Variants in FNBP1L observed in about 807,000 individuals in gnomAD.
FNBP1L encodes formin binding protein 1 like.
A neutral mutation model predicts 91.2 loss-of-function variants in FNBP1L; 36 were observed. The observed-to-expected ratio is 0.39, with a 90% confidence interval of 0.30 to 0.52. The LOEUF (loss-of-function observed/expected upper bound fraction) is 0.52, where lower values mean the gene tolerates loss of function less well. FNBP1L is among the 20% of genes least tolerant of loss of function. The pLI, the probability that FNBP1L is intolerant of heterozygous loss-of-function variation, is 0.66. For missense variants in FNBP1L, 571 were observed against 732.1 expected, an observed-to-expected ratio of 0.78 and a Z score of 2.54; for synonymous variants, 242 against 237.0, an observed-to-expected ratio of 1.02 and a Z score of -0.19.
rs112401072 is a variant in FNBP1L at position 93,485,503 on chromosome 1, G to A, written c.25-13965G>A. 2.5e-3 allele frequency among the ~76,000 whole-genome samples: 379 copies of A among 152,300 alleles called. 4 individuals carry two copies. The highest frequency in any genetic ancestry group is 8.1e-3 in the African/African-American group (336 of 41,564). On this transcript the variant is annotated intron_variant, in intron 1 of 16. Transcript: ENST00000271234. ...AGCTGACCACTAAAAATTGTTAACA[G>A]TCATTACTGTATATAACATTCTGGA...
intron 15 of FNBP1L, 21 bp downstream of exon 15, chr1:93,549,447 T>G: frequency 6.6e-7 from 1 of 1,521,276 alleles, no homozygotes; most frequent in South Asian, 1.3e-5. Flanking sequence ...CTTAATAATA[T>G]TGTATGTAAA....
intron 1 of FNBP1L, among the ~76,000 whole-genome samples, chr1:93,466,932 C>T (rs1041347691): frequency 7.2e-5 from 11 of 152,198 alleles, no homozygotes; most frequent in African/African-American, 2.7e-4. Context: ...ATCTTGCTCA[C>T]TGTAACCTCC....
intron 2 of FNBP1L, among the ~76,000 whole-genome samples, chr1:93,519,128 G>A (rs1671231487): frequency 6.6e-6 from 1 of 152,220 alleles, no homozygotes; most frequent in South Asian, 2.1e-4. Context: ...ATTCATAACA[G>A]TGAGTTTTGT....
chr1:93,456,987 C>A (rs1668692089), intron 1 of FNBP1L, among the ~76,000 whole-genome samples: 1 of 152,108 alleles, frequency 6.6e-6, no homozygotes, highest in African/African-American at 2.4e-5. Context: ...CTACCTGGCT[C>A]AGGTGATCCT....
intron 1 of FNBP1L, among the ~76,000 whole-genome samples, chr1:93,469,119 G>A (rs901529643): frequency 2.0e-5 from 3 of 151,708 alleles, no homozygotes; most frequent in Non-Finnish European, 2.9e-5. Context: ...AAGTTCTAGG[G>A]TACATGTGCA....
chr1:93,485,986 A>G (rs1439584729), intron 1 of FNBP1L, among the ~76,000 whole-genome samples: 4 of 152,250 alleles, frequency 2.6e-5, no homozygotes, highest in South Asian at 2.1e-4. Flanking sequence ...GCGTGAGCCA[A>G]CGTGTCTGGC....
intron 1 of FNBP1L, among the ~76,000 whole-genome samples, chr1:93,485,629 T>C (rs1210645202): frequency 6.6e-6 from 1 of 152,170 alleles, no homozygotes; most frequent in Non-Finnish European, 1.5e-5. Flanking sequence ...TCAGCACTCA[T>C]TTTTTTGTTG....
Position 93,550,996 on chromosome 1 carries a change from T to G in FNBP1L, c.1701T>G (p.Ile567Met), listed in dbSNP as rs749797756. ...LAMKEGEVLY[I>M]IEEDKGDGWT... ...TGAAAGAAGGTGAAGTTCTCTACAT[T>G]ATAGAGGAGGACAAAGGTGACGGAT... is the stretch of plus-strand genomic sequence containing the variant. Residue 567 changes from isoleucine to methionine, a missense_variant, in exon 16 of 17, where the codon ATT (isoleucine) becomes ATG (methionine). Around this residue, in one of 5 missense-constraint regions of FNBP1L, gnomAD observed 189 missense variants for 219.7 expected, o/e 0.86. Transcript: ENST00000271234. 1.6e-5 allele frequency: 25 copies of G among 1,612,126 alleles called. No homozygotes were observed. Among genetic ancestry groups the G allele is most frequent in the Non-Finnish European group, 2.1e-5 (25 of 1,178,924 alleles).
At chr1:93,518,155 A>C (rs543346780) in intron 2 of FNBP1L, among the ~76,000 whole-genome samples, 1 of 152,282 alleles carries the variant, frequency 6.6e-6, no homozygotes, top group African/African-American at 2.4e-5. Flanking sequence ...TTTTTACTAT[A>C]TATCTCTACT....
chr1:93,513,783 G>A (rs186671056), intron 2 of FNBP1L, among the ~76,000 whole-genome samples: 1 of 152,046 alleles, frequency 6.6e-6, no homozygotes, highest in Non-Finnish European at 1.5e-5. Context: ...AATAATAAGA[G>A]CTATCTACAA....
chr1:93,547,122 A>C, intron 13 of FNBP1L, 148 bp downstream of exon 13: 1 of 1,055,170 alleles, frequency 9.5e-7, no homozygotes, highest in Non-Finnish European at 1.4e-6. Flanking sequence ...TGTGTTATTT[A>C]ATCTCATTAA....
chr1:93,514,178 G>A (rs1438641554), intron 2 of FNBP1L, among the ~76,000 whole-genome samples: 10 of 152,082 alleles, frequency 6.6e-5, no homozygotes, highest in South Asian at 2.1e-4. Flanking sequence ...TGCTTCAAAG[G>A]GAATAAAATA....
At chr1:93,531,646 C>G (rs1671681050) in intron 7 of FNBP1L, among the ~76,000 whole-genome samples, 1 of 152,148 alleles carries the variant, frequency 6.6e-6, no homozygotes, top group Admixed American at 6.6e-5. Flanking sequence ...GACCAGAATT[C>G]TGGTCATTGA....
intron 7 of FNBP1L, among the ~76,000 whole-genome samples, chr1:93,532,516 C>T (rs1016284832): frequency 5.6e-5 from 7 of 124,602 alleles, no homozygotes; most frequent in Non-Finnish European, 1.3e-4. Flanking sequence ...TGTTATGGGC[C>T]AGTTGCTTTA....
chr1:93,483,369 C>A (rs1669784592), intron 1 of FNBP1L, among the ~76,000 whole-genome samples: 1 of 152,122 alleles, frequency 6.6e-6, no homozygotes, highest in Non-Finnish European at 1.5e-5. Context: ...TTTACTTAAT[C>A]ATTTCCGTTT....
At position 93,551,418 on chromosome 1, in the gene FNBP1L, T is replaced by C. The variant is rs1266277779; in HGVS notation, c.1810+313T>C. ...TCTGCCTTACAAATAGAATTTGATT[T>C]ATTGGGCAGGAATTCATGGATAGTA... is the stretch of plus-strand genomic sequence containing the variant. On this transcript the variant is annotated intron_variant, in intron 16 of 16. Transcript: ENST00000271234. The C allele has an allele frequency of 3.9e-6, 4 of 1,018,590 alleles. No homozygotes were observed. In the East Asian group the frequency reaches 2.6e-4, roughly 67 times the overall value. 63.1% of individuals were successfully genotyped at this position (1,018,590 alleles called of 1,614,324 possible).
At chr1:93,538,611 A>G (rs556634411) in intron 10 of FNBP1L, among the ~76,000 whole-genome samples, 5 of 152,082 alleles carry the variant, frequency 3.3e-5, no homozygotes, top group Non-Finnish European at 7.4e-5. Context: ...AAATTAACCT[A>G]TAGAGATTTT....
chr1:93,511,347 G>A (rs1670833959), intron 2 of FNBP1L, among the ~76,000 whole-genome samples: 1 of 152,092 alleles, frequency 6.6e-6, no homozygotes, highest in Non-Finnish European at 1.5e-5. Context: ...TTCATATCCA[G>A]CCAAACTAAG....
chr1:93,502,718 A>G (rs767822336), intron 2 of FNBP1L, among the ~76,000 whole-genome samples: 351 of 152,360 alleles, frequency 2.3e-3, no homozygotes, highest in Non-Finnish European at 2.6e-3. Flanking sequence ...GGTGATTTGA[A>G]GGAATGAAGC....
Sources: allele counts gnomAD v4.1 joint callset (sites outside exome capture counted in the v4.1 genomes callset), GRCh38; gene constraint gnomAD v4.1.1; regional missense constraint gnomAD v4.1.1; transcripts MANE v1.5; gene names NCBI Gene and HGNC (gene_info 2026-07-23, HGNC 2026-07-21).